LHFPL2: variants seen among roughly 807,000 people sequenced by gnomAD.
The protein encoded by LHFPL2 is LHFPL tetraspan subfamily member 2 protein.
A neutral mutation model predicts 17.5 loss-of-function variants in LHFPL2; 7 were observed. The observed-to-expected ratio is 0.40, with a 90% CI of 0.23 to 0.75. The LOEUF is 0.75. Ranked by LOEUF, LHFPL2 falls within the 30% of genes least tolerant of loss-of-function variation. LHFPL2 has a pLI of 0.37. For synonymous variants in LHFPL2, 134 were observed against 116.2 expected, an observed-to-expected ratio of 1.15 and a Z score of -0.99; for missense variants, 241 against 294.8, an observed-to-expected ratio of 0.82 and a Z score of 1.34.
At chr5:78,494,670 C>A (rs1754549627) in intron 4 of LHFPL2, 1 of 223,058 alleles carries the variant, frequency 4.5e-6, no homozygotes. Context: ...GGTGCTCGCC[C>A]TCCCAATCAG....
At chr5:78,503,313 T>C (rs1459484895) in intron 4 of LHFPL2, among the ~76,000 whole-genome samples, 4 of 152,264 alleles carry the variant, frequency 2.6e-5, no homozygotes, top group African/African-American at 7.2e-5. Flanking sequence ...CAAACCACTT[T>C]TGCATTTTAT....
chr5:78,510,218 ATGT>A lies in LHFPL2; in HGVS notation c.-8_-6del. 6.3e-7 allele frequency: 1 copy of A among 1,575,156 alleles called. No homozygotes were observed. The highest frequency in any genetic ancestry group is 8.6e-7 in the Non-Finnish European group (1 of 1,157,458). ...GGTGACAATGACATGACACATATTG[ATGT>A]TCCGGGCGAAGAAAGAGTCAGGAGT... On this transcript the variant is annotated 5_prime_UTR_variant, in exon 4 of 5. Coordinates refer to ENST00000380345, the MANE Select transcript of LHFPL2 (RefSeq NM_005779.3).
intron 3 of LHFPL2, among the ~76,000 whole-genome samples, chr5:78,516,248 G>A (rs1359618358): frequency 9.9e-5 from 3 of 30,390 alleles, no homozygotes; most frequent in African/African-American, 2.5e-4. Flanking sequence ...TATTCTTTAG[G>A]GTACGTCTAA....
chr5:78,520,023 C>T (rs1282097921), intron 3 of LHFPL2, among the ~76,000 whole-genome samples: 1 of 151,252 alleles, frequency 6.6e-6, no homozygotes, highest in Non-Finnish European at 1.5e-5. Flanking sequence ...TCTCTAAGGA[C>T]AGTTTCCTCA....
chr5:78,605,400 C>G (rs1026047611), intron 2 of LHFPL2, among the ~76,000 whole-genome samples: 3 of 152,126 alleles, frequency 2.0e-5, no homozygotes, highest in Non-Finnish European at 4.4e-5. Context: ...ATGGCCCTGA[C>G]AGGGGCATCA....
chr5:78,645,649 C>T (rs865929757), intron 1 of LHFPL2, among the ~76,000 whole-genome samples: 1 of 151,926 alleles, frequency 6.6e-6, no homozygotes, highest in Non-Finnish European at 1.5e-5. Context: ...ATGGTGCCGT[C>T]TCAGCTCGCT....
At chr5:78,512,091 C>T (rs1046539986) in intron 3 of LHFPL2, among the ~76,000 whole-genome samples, 4 of 152,144 alleles carry the variant, frequency 2.6e-5, no homozygotes, top group African/African-American at 9.7e-5. Context: ...AAGTGCTCAA[C>T]AAATATCAAC....
intron 2 of LHFPL2, among the ~76,000 whole-genome samples, chr5:78,581,143 CTGTT>C (rs1408825181): frequency 6.6e-6 from 1 of 151,908 alleles, no homozygotes; most frequent in Non-Finnish European, 1.5e-5. Flanking sequence ...ATTTGGCTCT[CTGTT>C]TGTCTGTTGT....
At chr5:78,593,136 C>T (rs138857698) in intron 2 of LHFPL2, among the ~76,000 whole-genome samples, 13 of 152,208 alleles carry the variant, frequency 8.5e-5, no homozygotes, top group African/African-American at 3.1e-4. Context: ...AGGACACTAC[C>T]GGGTGCTGAC....
At chr5:78,593,177 G>A (rs951023728) in intron 2 of LHFPL2, among the ~76,000 whole-genome samples, 1 of 152,130 alleles carries the variant, frequency 6.6e-6, no homozygotes, top group African/African-American at 2.4e-5. Flanking sequence ...GATGCCAGCT[G>A]CTGCTCACAG....
At chr5:78,600,309 A>T (rs145647052) in intron 2 of LHFPL2, among the ~76,000 whole-genome samples, 7 of 151,966 alleles carry the variant, frequency 4.6e-5, no homozygotes, top group African/African-American at 1.5e-4. Context: ...CAAAGTTTCA[A>T]AGTAAGAGTT....
intron 4 of LHFPL2, among the ~76,000 whole-genome samples, chr5:78,492,555 C>T (rs1254752094): frequency 1.3e-5 from 2 of 152,212 alleles, no homozygotes; most frequent in Admixed American, 6.5e-5. Context: ...CAGCCAGGAG[C>T]ATTAATTGCC....
In LHFPL2 at chr5:78,509,808, A is replaced by C; in HGVS notation, c.406T>G (p.Cys136Gly). ...SIMKKSIFNV[C>G]GLLQGIAGLF... ...CCTGCAATTCCTTGCAACAGCCCAC[A>C]GACATTGAAGATGCTTTTCTTCATG... The change falls in exon 4 of 5, where the codon TGT becomes GGT. Residue 136 changes from cysteine (C) to glycine (G), a missense_variant. By Grantham distance (159) the Cys-to-Gly change is radical. Coordinates refer to ENST00000380345, the MANE Select transcript of LHFPL2 (RefSeq NM_005779.3). The C allele has an allele frequency of 6.2e-7, 1 of 1,613,034 alleles. No homozygotes were observed. Among genetic ancestry groups the C allele is most frequent in the Non-Finnish European group, 8.5e-7 (1 of 1,179,020 alleles).
intron 4 of LHFPL2, among the ~76,000 whole-genome samples, chr5:78,498,041 G>A (rs543655720): frequency 2.0e-5 from 3 of 152,318 alleles, no homozygotes; most frequent in South Asian, 2.1e-4. Context: ...CGCGGGAGAA[G>A]GACGGGAAAG....
At chr5:78,555,628 T>A (rs1580803756) in intron 3 of LHFPL2, among the ~76,000 whole-genome samples, 1 of 151,086 alleles carries the variant, frequency 6.6e-6, no homozygotes, top group African/African-American at 2.4e-5. Context: ...AGAAGGAGAG[T>A]TTCACTTGGG....
intron 2 of LHFPL2, among the ~76,000 whole-genome samples, chr5:78,578,424 T>G (rs900848793): frequency 6.6e-6 from 1 of 151,204 alleles, no homozygotes; most frequent in Admixed American, 6.6e-5. Context: ...CACAGGGGGG[T>G]TTTGGGGAGT....
At chr5:78,636,764 G>T (rs1355565021) in intron 1 of LHFPL2, among the ~76,000 whole-genome samples, 1 of 152,168 alleles carries the variant, frequency 6.6e-6, no homozygotes, top group Non-Finnish European at 1.5e-5. Flanking sequence ...TTAATAATCA[G>T]TGTCTGTAAA....
chr5:78,626,755 G>C (rs1453287158), intron 2 of LHFPL2: 1 of 152,138 alleles, frequency 6.6e-6, no homozygotes, highest in African/African-American at 2.4e-5. Context: ...CAACTCAAGA[G>C]AAGTTTTTTT....
At chr5:78,543,960 A>T (rs184664894) in intron 3 of LHFPL2, among the ~76,000 whole-genome samples, 45 of 152,258 alleles carry the variant, frequency 3.0e-4, no homozygotes, top group Non-Finnish European at 1.3e-4. Context: ...AGAATGGTGG[A>T]AGTCAATCTA....
Sources: gnomAD v4.1 joint callset for allele counts (sites outside exome capture counted in the v4.1 genomes callset) on GRCh38, gnomAD v4.1.1 for gene constraint, MANE v1.5 for transcripts, NCBI Gene and HGNC (gene_info 2026-07-23, HGNC 2026-07-21) for gene names.